DENND4C: variants seen among roughly 807,000 people sequenced by gnomAD.
The protein encoded by DENND4C is DENN domain-containing protein 4C.
DENND4C carries 108 observed loss-of-function variants against 203.0 expected under a neutral mutation model. The observed-to-expected ratio is 0.53, with a 90% CI of 0.46 to 0.62. The LOEUF is 0.62. Ranked by LOEUF, DENND4C falls within the 20% of genes least tolerant of loss-of-function variation. The pLI is 0.00. For synonymous variants in DENND4C, 871 were observed against 792.4 expected (o/e 1.10, Z -1.67); for missense variants, 2,481 against 2,301.2 (o/e 1.08, Z -1.60).
chr9:19,263,488 C>T (rs1829838620), intron 1 of DENND4C, among the ~76,000 whole-genome samples: 1 of 151,756 alleles, frequency 6.6e-6, no homozygotes. Context: ...TCCCAAGGAG[C>T]TGGGATTACA....
intron 12 of DENND4C, 52 bp from the exon 13 acceptor site, chr9:19,324,310 A>G (rs1023818628): frequency 2.2e-6 from 3 of 1,387,482 alleles, no homozygotes; most frequent in South Asian, 1.3e-5. Flanking sequence ...GTTTCCTATA[A>G]TATCGAATTC....
intron 10 of DENND4C, 33 bp from the exon 11 acceptor site, chr9:19,316,384 A>G: frequency 6.4e-7 from 1 of 1,554,528 alleles, no homozygotes; most frequent in Admixed American, 1.8e-5. Context: ...ATTATGAATA[A>G]CACATTTTAT....
At chr9:19,334,940 A>T in intron 17 of DENND4C, 37 bp from the exon 18 acceptor site, 2 of 1,552,312 alleles carry the variant, frequency 1.3e-6, no homozygotes, top group Non-Finnish European at 1.7e-6. Context: ...ATAGATTAGT[A>T]TACTAATTAC....
At chr9:19,279,729 C>G (rs1016039215) in intron 2 of DENND4C, among the ~76,000 whole-genome samples, 2 of 151,662 alleles carry the variant, frequency 1.3e-5, no homozygotes, top group African/African-American at 4.8e-5. Context: ...CACATGTAGT[C>G]CTAGCTACTC....
At chr9:19,297,357 A>G (rs1837676048) in intron 6 of DENND4C, among the ~76,000 whole-genome samples, 1 of 152,212 alleles carries the variant, frequency 6.6e-6, no homozygotes, top group African/African-American at 2.4e-5. Context: ...TGATATTGAA[A>G]TATGGTTGCA....
At chr9:19,320,181 T>G (rs1052756476) in intron 12 of DENND4C, among the ~76,000 whole-genome samples, 3 of 152,206 alleles carry the variant, frequency 2.0e-5, no homozygotes, top group East Asian at 3.9e-4. Flanking sequence ...TGATGAAATC[T>G]TTTACTTTTT....
chr9:19,361,720 T>G, intron 29 of DENND4C, 126 bp from the exon 30 acceptor site: 2 of 538,942 alleles, frequency 3.7e-6, no homozygotes, highest in South Asian at 5.6e-5. Context: ...AAAATTAAAA[T>G]TTTGATTCTG....
At chr9:19,320,327 T>C (rs959994532) in intron 12 of DENND4C, among the ~76,000 whole-genome samples, 24 of 152,062 alleles carry the variant, frequency 1.6e-4, no homozygotes, top group African/African-American at 5.8e-4. Context: ...GCCTCCCTAA[T>C]AGCTGGGATT....
chr9:19,287,425 TG>T (rs1588846200), intron 3 of DENND4C, among the ~76,000 whole-genome samples: 1 of 152,186 alleles, frequency 6.6e-6, no homozygotes, highest in East Asian at 1.9e-4. Context: ...TCGCCCAGGC[TG>T]GAGTACAGTG....
chr9:19,295,576 G>A (rs1837275598), intron 5 of DENND4C, among the ~76,000 whole-genome samples: 1 of 150,574 alleles, frequency 6.6e-6, no homozygotes, highest in Admixed American at 6.6e-5. Flanking sequence ...TCGGGAGGCT[G>A]AAGCAGTCAC....
chr9:19,305,295 A>C (rs575938607), intron 9 of DENND4C, 57 bp from the exon 10 acceptor site: 6 of 1,475,488 alleles, frequency 4.1e-6, no homozygotes, highest in Non-Finnish European at 5.6e-6. Flanking sequence ...CTAGTTACTT[A>C]TATATTTTTT....
chr9:19,301,421 G>A (rs1489555971), intron 9 of DENND4C, among the ~76,000 whole-genome samples: 1 of 152,162 alleles, frequency 6.6e-6, no homozygotes, highest in Non-Finnish European at 1.5e-5. Context: ...CACAGAGTAG[G>A]CCCTCAGTAA....
intron 23 of DENND4C, among the ~76,000 whole-genome samples, chr9:19,350,335 G>C (rs1398881256): frequency 6.6e-6 from 1 of 152,196 alleles, no homozygotes; most frequent in African/African-American, 2.4e-5. Context: ...TGGAGAACAA[G>C]GTCACAATCT....
intron 1 of DENND4C, among the ~76,000 whole-genome samples, chr9:19,260,346 G>C (rs952564627): frequency 6.7e-5 from 10 of 148,808 alleles, no homozygotes; most frequent in Non-Finnish European, 6.0e-5. Context: ...TTCCTGTAGA[G>C]TTGTTTGATG....
rs199957354 is a variant in DENND4C at position 19,346,813 on chromosome 9, A to C, written c.4044A>C (p.Ala1348=). The part of the protein sequence containing the change: ...ENPESEKSSP[A]VSRSKTFTGR... Reference sequence around the variant, plus strand: ...CTGAAAGTGAAAAGAGCTCACCTGCAGTGTCCAGGTCTAAAACTTTTACTG... The same window carrying C: ...CTGAAAGTGAAAAGAGCTCACCTGCCGTGTCCAGGTCTAAAACTTTTACTG... The change falls in exon 23 of 33, where the codon GCA becomes GCC. Residue 1348 remains alanine (A), a synonymous_variant. Coordinates refer to ENST00000434457, the MANE Select transcript of DENND4C (RefSeq NM_001330640.2). 5.0e-6 allele frequency: 8 copies of C among 1,614,232 alleles called. No individual in the cohort carries two copies. In the East Asian group the frequency reaches 1.8e-4, roughly 36 times the overall value.
At chr9:19,279,000 A>T (rs1405891045) in intron 2 of DENND4C, among the ~76,000 whole-genome samples, 1 of 152,290 alleles carries the variant, frequency 6.6e-6, no homozygotes, top group Middle Eastern at 3.4e-3. Context: ...CTTAGGCACT[A>T]TTCCAGACCT....
In DENND4C at chr9:19,290,692, A is replaced by G. The variant is rs917212301; in HGVS notation, c.629-12A>G. ...TATTTAAAAAATTTATTGTTGTCTC[A>G]TTCTTCAAAAGGTTTAATTTTTAGA... On this transcript the variant is annotated splice_polypyrimidine_tract_variant and intron_variant, in intron 4 of 32. Coordinates refer to ENST00000434457, the MANE Select transcript of DENND4C (RefSeq NM_001330640.2). 5 of 1,393,778 alleles carry G rather than the reference A, an allele frequency of 3.6e-6. No homozygotes were observed. The African/African-American group carries it at 4.3e-5, about 12-fold the overall frequency. The allele number at this position is 1,393,778 out of a possible 1,614,324, so 86.3% of individuals were successfully genotyped here. A position where few individuals can be genotyped will look rare whatever the true frequency, so the allele number is the denominator to read the frequency against.
chr9:19,351,677 T>C (rs1286643726), intron 24 of DENND4C, among the ~76,000 whole-genome samples: 1 of 151,516 alleles, frequency 6.6e-6, no homozygotes, highest in Non-Finnish European at 1.5e-5. Context: ...CGTGGCAGCG[T>C]GCGCCTGTAA....
rs146876307 is a variant in DENND4C at position 19,321,525 on chromosome 9, A to C, written c.1808-2837A>C. Among the ~76,000 whole-genome samples, 34 of 152,030 alleles carry C rather than the reference A, an allele frequency of 2.2e-4. 1 individual carries two copies. The East Asian group carries it at 6.6e-3, about 29-fold the overall frequency. The stretch of plus-strand genomic sequence containing the variant: ...TTGTTTTTGTTTTTTAGATGGAAAA[A>C]AGAGACTTGAGTATGCTGATGAGAA... On this transcript the variant is annotated intron_variant, in intron 12 of 32. Coordinates refer to ENST00000434457, the MANE Select transcript of DENND4C (RefSeq NM_001330640.2).
Sources: gnomAD v4.1 joint callset for allele counts (sites outside exome capture counted in the v4.1 genomes callset) on GRCh38, gnomAD v4.1.1 for gene constraint, MANE v1.5 for transcripts, NCBI Gene and HGNC (gene_info 2026-07-23, HGNC 2026-07-21) for gene names.